ANO10: variants seen among roughly 807,000 people sequenced by gnomAD.
ANO10 encodes anoctamin 10, also known as anoctamin-10.
In ANO10, 77 loss-of-function variants were observed where a neutral mutation model predicts 74.7. The ratio of observed to expected loss-of-function variants is 1.03; its 90% CI spans 0.86 to 1.25. ANO10 has a LOEUF of 1.25. Ranked by LOEUF, ANO10 falls within the 50% of genes most tolerant of loss-of-function variation. The pLI is 0.00. For synonymous variants in ANO10, 279 were observed against 284.9 expected, an observed-to-expected ratio of 0.98 and a Z score of 0.21; for missense variants, 721 against 778.1, an observed-to-expected ratio of 0.93 and a Z score of 0.87.
At chr3:43,661,410 A>G (rs1007284131) in intron 1 of ANO10, among the ~76,000 whole-genome samples, 2 of 152,228 alleles carry the variant, frequency 1.3e-5, no homozygotes, top group Non-Finnish European at 2.9e-5. Context: ...AGGAAGCACT[A>G]AACATGGATA....
At chr3:43,467,491 G>A (rs748850802) in intron 11 of ANO10, among the ~76,000 whole-genome samples, 3 of 152,182 alleles carry the variant, frequency 2.0e-5, no homozygotes, top group Non-Finnish European at 2.9e-5. Flanking sequence ...CAGATATAAA[G>A]AATACTTACT....
chr3:43,557,766 T>C (rs2079830119), intron 9 of ANO10, among the ~76,000 whole-genome samples: 1 of 149,744 alleles, frequency 6.7e-6, no homozygotes, highest in Admixed American at 6.6e-5. Context: ...AGACGTTTTG[T>C]TTATGTGAGT....
intron 2 of ANO10, among the ~76,000 whole-genome samples, chr3:43,602,645 CTTTATGAAGAACTAT>C (rs1161323701): frequency 1.3e-5 from 2 of 152,174 alleles, no homozygotes; most frequent in Non-Finnish European, 2.9e-5. Flanking sequence ...CTGGTATAAC[CTTTATGAAGAACTAT>C]TTGTCAACAT....
chr3:43,624,948 C>CTACT (rs1393240117), upstream of ANO10, among the ~76,000 whole-genome samples: 1 of 152,220 alleles, frequency 6.6e-6, no homozygotes, highest in Non-Finnish European at 1.5e-5. Context: ...CTAAGGAGAA[C>CTACT]TACTGTATCA....
chr3:43,557,452 T>C (rs1188248502), intron 9 of ANO10, among the ~76,000 whole-genome samples: 1 of 152,030 alleles, frequency 6.6e-6, no homozygotes. Flanking sequence ...GACATTTTGT[T>C]TGGCCAGGCG....
chr3:43,450,196 A>G (rs2074796752), intron 11 of ANO10, among the ~76,000 whole-genome samples: 1 of 152,170 alleles, frequency 6.6e-6, no homozygotes, highest in Non-Finnish European at 1.5e-5. Flanking sequence ...AAGTAGAAAA[A>G]ATATGAATAT....
chr3:43,463,967 T>C (rs1300175498), intron 11 of ANO10, among the ~76,000 whole-genome samples: 4 of 152,246 alleles, frequency 2.6e-5, no homozygotes, highest in Admixed American at 1.3e-4. Flanking sequence ...TGATAGTGAG[T>C]AAGTCTCATG....
intron 12 of ANO10, chr3:43,372,686 T>A: frequency 1.6e-6 from 1 of 637,632 alleles, no homozygotes; most frequent in South Asian, 1.8e-5. Context: ...GGTTTATTCA[T>A]TGTTTGCAGA....
chr3:43,672,274 A>C (rs1388237529), intron 1 of ANO10, among the ~76,000 whole-genome samples: 2 of 152,196 alleles, frequency 1.3e-5, no homozygotes, highest in Non-Finnish European at 2.9e-5. Context: ...CTGTAATCCC[A>C]GCACTTTGGG....
chr3:43,473,384 G>A lies in ANO10; in HGVS notation c.1798-40657C>T, dbSNP rs539838603. ...TTCCTCACTGCTAGGCTCCTGCCAC[G>A]TCACTCTACTTGCTCCCCTTGCCTA... On this transcript the variant is annotated intron_variant, in intron 11 of 12. Transcript: ENST00000292246. 2.1e-4 allele frequency among the ~76,000 whole-genome samples: 32 copies of A among 152,222 alleles called. 1 individual carries two copies. Among genetic ancestry groups the A allele is most frequent in the South Asian group, 6.2e-4 (3 of 4,818 alleles).
intron 4 of ANO10, among the ~76,000 whole-genome samples, chr3:43,595,386 C>A (rs1487459109): frequency 6.6e-6 from 1 of 152,172 alleles, no homozygotes; most frequent in East Asian, 1.9e-4. Context: ...CAAAGTGAAT[C>A]CAGCAGCACA....
intron 11 of ANO10, among the ~76,000 whole-genome samples, chr3:43,528,917 T>A (rs1178468099): frequency 6.6e-6 from 1 of 151,736 alleles, no homozygotes; most frequent in Non-Finnish European, 1.5e-5. Flanking sequence ...CTGGACTGCA[T>A]CACTGTACTC....
chr3:43,435,440 C>T (rs917978189), intron 11 of ANO10, among the ~76,000 whole-genome samples: 10 of 146,260 alleles, frequency 6.8e-5, no homozygotes, highest in African/African-American at 2.5e-4. Context: ...ACTTGGAAGG[C>T]GGAGGTTTCA....
intron 12 of ANO10, among the ~76,000 whole-genome samples, chr3:43,367,821 C>T (rs1283418058): frequency 6.6e-6 from 1 of 152,144 alleles, no homozygotes; most frequent in Non-Finnish European, 1.5e-5. Context: ...TGGAAGTTGG[C>T]TTCAAACAGA....
At chr3:43,489,199 T>C (rs1034877402) in intron 11 of ANO10, among the ~76,000 whole-genome samples, 10 of 145,204 alleles carry the variant, frequency 6.9e-5, no homozygotes, top group South Asian at 2.4e-4. Context: ...AGGGATAGCA[T>C]TGGGAGATAT....
chr3:43,407,770 A>T (rs961826041), intron 12 of ANO10, among the ~76,000 whole-genome samples: 1 of 152,226 alleles, frequency 6.6e-6, no homozygotes, highest in African/African-American at 2.4e-5. Context: ...CCAGGAGGAA[A>T]AGTGGACAAC....
chr3:43,539,842 CTCTAT>C (rs889312868), intron 11 of ANO10, among the ~76,000 whole-genome samples: 1 of 152,170 alleles, frequency 6.6e-6, no homozygotes, highest in African/African-American at 2.4e-5. Context: ...CTGAAAACAA[CTCTAT>C]TCTGAGTGTA....
chr3:43,398,965 C>T (rs903183874), intron 12 of ANO10, among the ~76,000 whole-genome samples: 1 of 152,152 alleles, frequency 6.6e-6, no homozygotes, highest in Non-Finnish European at 1.5e-5. Context: ...AGTAGCTGAA[C>T]TACAGGCGTG....
intron 4 of ANO10, among the ~76,000 whole-genome samples, 191 bp from the exon 5 acceptor site, chr3:43,580,663 A>T (rs1404867956): frequency 6.6e-6 from 1 of 152,192 alleles, no homozygotes; most frequent in Non-Finnish European, 1.5e-5. Flanking sequence ...TTTGACTATG[A>T]AGCAAAAAAG....
Sources: gnomAD v4.1 joint callset for allele counts (sites outside exome capture counted in the v4.1 genomes callset) on GRCh38, gnomAD v4.1.1 for gene constraint, MANE v1.5 for transcripts, NCBI Gene and HGNC (gene_info 2026-07-23, HGNC 2026-07-21) for gene names.